The following C6orf89 variants were observed in gnomAD, a reference collection of about 807,000 sequenced individuals.
C6orf89 encodes the protein chromosome 6 open reading frame 89, also known as bombesin receptor-activated protein C6orf89.
C6orf89 carries 29 observed loss-of-function variants against 40.7 expected under a neutral mutation model. That is an observed-to-expected ratio of 0.71 (90% CI 0.53 to 0.97). C6orf89 has a LOEUF of 0.97. Among genes scored for constraint, C6orf89 ranks in the 50% least tolerant of loss-of-function variants. The pLI, the probability that C6orf89 is intolerant of heterozygous loss-of-function variation, is 0.00. For synonymous variants in C6orf89, 165 were observed against 152.2 expected, an observed-to-expected ratio of 1.08 and a Z score of -0.62; for missense variants, 392 against 429.1, an observed-to-expected ratio of 0.91 and a Z score of 0.76.
At chr6:36,904,037 G>A (rs111253265) in intron 4 of C6orf89, among the ~76,000 whole-genome samples, 10 of 152,050 alleles carry the variant, frequency 6.6e-5, no homozygotes, top group African/African-American at 2.4e-4. Context: ...AAACTTGTCA[G>A]TTAGGCCAGT....
chr6:36,910,293 ATCT>A (rs1762078174), intron 4 of C6orf89, among the ~76,000 whole-genome samples: 1 of 152,170 alleles, frequency 6.6e-6, no homozygotes, highest in East Asian at 1.9e-4. Context: ...ATCTATTTGT[ATCT>A]TTTAATCAAT....
In C6orf89 at chr6:36,889,582, C is replaced by CAAAAAAAAAAAAAAAAAAAA. The variant is rs58417436; in HGVS notation, c.-120+3565_-120+3566insAAAAAAAAAAAAAAAAAAAA. 1.9e-4 allele frequency among the ~76,000 whole-genome samples: 27 copies of CAAAAAAAAAAAAAAAAAAAA among 140,422 alleles called. 2 individuals are homozygous for CAAAAAAAAAAAAAAAAAAAA. The highest frequency in any genetic ancestry group is 3.1e-4 in the Non-Finnish European group (20 of 64,220). The allele number at this position is 140,422 out of a possible 152,430, so 92.1% of individuals were successfully genotyped here. On this transcript the variant is annotated intron_variant, in intron 1 of 8. Coordinates refer to ENST00000480824, the MANE Select transcript of C6orf89 (RefSeq NM_001286635.2). ...GTCCTAAAAGACCAAAAAACAAAAA[C>CAAAAAAAAAAAAAAAAAAAA]AAAAAAAAAAAGAAAAACCACACAC...
chr6:36,875,454 G>A (rs934293364), intron 1 of C6orf89, among the ~76,000 whole-genome samples: 6 of 152,256 alleles, frequency 3.9e-5, no homozygotes, highest in African/African-American at 1.4e-4. Flanking sequence ...AAGAAAGGAA[G>A]AGACAGGAGA....
intron 3 of C6orf89, among the ~76,000 whole-genome samples, chr6:36,900,289 C>T (rs1437682627): frequency 1.3e-5 from 2 of 148,632 alleles, no homozygotes; most frequent in Non-Finnish European, 3.0e-5. Flanking sequence ...GCAACCTCCG[C>T]CTCCCAGGTT....
At chr6:36,902,175 G>T (rs1441983326) in intron 3 of C6orf89, 46 bp from the exon 4 acceptor site, 1 of 1,507,186 alleles carries the variant, frequency 6.6e-7, no homozygotes, top group Non-Finnish European at 9.2e-7. Context: ...TTGGTATTAA[G>T]GTATTTGTTT....
Position 36,886,056 on chromosome 6 carries a change from G to T in C6orf89, c.-120+28G>T, listed in dbSNP as rs566282545. On this transcript the variant is annotated intron_variant, in intron 1 of 8. Coordinates refer to ENST00000480824, the MANE Select transcript of C6orf89 (RefSeq NM_001286635.2). ...GAGTGACTGGGGCCCGAGGCTGGGT[G>T]GGGGGAGGCCGCCCTGTGACAGCCT... The T allele has an allele frequency of 3.2e-5, 39 of 1,205,060 alleles. No individual in the cohort carries two copies. In the Admixed American group the frequency reaches 7.1e-4, roughly 22 times the overall value. 74.6% of individuals were successfully genotyped at this position (1,205,060 alleles called of 1,614,324 possible).
At chr6:36,903,606 C>CGG (rs1405776164) in intron 4 of C6orf89, among the ~76,000 whole-genome samples, 1 of 151,968 alleles carries the variant, frequency 6.6e-6, no homozygotes, top group Non-Finnish European at 1.5e-5. Context: ...ACTATAGGTG[C>CGG]CCGCCACCAC....
chr6:36,910,658 G>A (rs1762093121), intron 4 of C6orf89, among the ~76,000 whole-genome samples: 1 of 151,864 alleles, frequency 6.6e-6, no homozygotes, highest in Non-Finnish European at 1.5e-5. Context: ...AGCCTGGAAG[G>A]TCAAGGCGAC....
chr6:36,916,669 A>G, intron 7 of C6orf89, 95 bp downstream of exon 7: 1 of 1,466,900 alleles, frequency 6.8e-7, no homozygotes, highest in African/African-American at 1.4e-5. Context: ...ATTGGCTTAG[A>G]GGGTTACAGG....
chr6:36,894,566 G>T lies in C6orf89; in HGVS notation c.-57G>T. The T allele has an allele frequency of 1.0e-6, 1 of 985,384 alleles. No homozygotes were observed. Among genetic ancestry groups the T allele is most frequent in the Non-Finnish European group, 1.2e-6 (1 of 829,930 alleles). 61.0% of individuals were successfully genotyped at this position (985,384 alleles called of 1,614,324 possible). ...CTCAGTTGTGATCAAGGGACACGTG[G>T]TTTCCGAACTGCCAGCTCAGAATAG... On this transcript the variant is annotated 5_prime_UTR_variant, in exon 2 of 9. Transcript: ENST00000480824.
At chr6:36,874,759 G>A (rs1407884490) in intron 1 of C6orf89, 3 of 1,614,158 alleles carry the variant, frequency 1.9e-6, no homozygotes, top group South Asian at 1.1e-5. Flanking sequence ...GGAATCTGGG[G>A]GAATTGCCGC....
chr6:36,910,064 A>G (rs1762071228), intron 4 of C6orf89, among the ~76,000 whole-genome samples: 1 of 152,120 alleles, frequency 6.6e-6, no homozygotes, highest in South Asian at 2.1e-4. Flanking sequence ...ATTTACAGAC[A>G]CATTTTTATA....
chr6:36,888,810 T>C (rs767955693), intron 1 of C6orf89, among the ~76,000 whole-genome samples: 1 of 152,014 alleles, frequency 6.6e-6, no homozygotes, highest in Non-Finnish European at 1.5e-5. Context: ...GGAGGCTGAA[T>C]CAAGAGGACT....
At chr6:36,919,485 C>A in intron 7 of C6orf89, 93 bp from the exon 8 acceptor site, 1 of 1,443,682 alleles carries the variant, frequency 6.9e-7, no homozygotes, top group Non-Finnish European at 9.4e-7. Flanking sequence ...AAACTCAGAG[C>A]CATATGTGAA....
exon 1 of C6orf89, chr6:36,871,880 G>C: frequency 6.4e-7 from 1 of 1,570,740 alleles, no homozygotes; most frequent in Non-Finnish European, 8.6e-7. Flanking sequence ...ATGCTGCAGA[G>C]GGAGAGGACA....
chr6:36,919,820 A>G (rs1232196268), intron 8 of C6orf89, 119 bp downstream of exon 8: 10 of 1,069,420 alleles, frequency 9.4e-6, no homozygotes, highest in Non-Finnish European at 1.2e-5. Flanking sequence ...CAAAAATAAC[A>G]TTCTCCTGTT....
intron 1 of C6orf89, among the ~76,000 whole-genome samples, 188 bp downstream of exon 1, chr6:36,886,216 T>C (rs1774981755): frequency 6.6e-6 from 1 of 152,082 alleles, no homozygotes; most frequent in Non-Finnish European, 1.5e-5. Context: ...TCCCCCGGGG[T>C]CGACTCCCTT....
intron 8 of C6orf89, among the ~76,000 whole-genome samples, chr6:36,921,119 CT>C (rs1478023518): frequency 3.3e-5 from 5 of 151,754 alleles, no homozygotes; most frequent in Admixed American, 2.0e-4. Context: ...GAAAGGACCC[CT>C]ATAGTTGGCA....
rs373601420 is a variant in C6orf89 at position 36,923,424 on chromosome 6, G to T, written c.1027G>T (p.Ala343Ser). The change falls in exon 9 of 9, where the codon GCT becomes TCT. Residue 343 changes from alanine to serine, a missense_variant. By Grantham distance (99) the Ala-to-Ser change is moderately conservative (BLOSUM62 1). Transcript: ENST00000480824. ...VQPLVICDGT[A>S]FSEL ...GCCTTTGGTCATCTGCGATGGAACC[G>T]CTTTCTCAGAACTGTAGGAAATAGA... The T allele has an allele frequency of 6.2e-7, 1 of 1,613,162 alleles. No homozygotes were observed. The highest frequency in any genetic ancestry group is 8.5e-7 in the Non-Finnish European group (1 of 1,179,222).
Sources: gnomAD v4.1 joint callset for allele counts (sites outside exome capture counted in the v4.1 genomes callset) on GRCh38, gnomAD v4.1.1 for gene constraint, MANE v1.5 for transcripts, NCBI Gene and HGNC (gene_info 2026-07-23, HGNC 2026-07-21) for gene names.